The following NTRK2 variants were observed in gnomAD, a reference collection of about 807,000 sequenced individuals.
The protein encoded by NTRK2 is neurotrophic receptor tyrosine kinase 2, also known as BDNF/NT-3 growth factors receptor.
A neutral mutation model predicts 94.5 loss-of-function variants in NTRK2; 13 were observed. The ratio of observed to expected loss-of-function variants is 0.14; its 90% confidence interval spans 0.09 to 0.22. The LOEUF is 0.22. Among genes scored for constraint, NTRK2 ranks in the 10% least tolerant of loss-of-function variants. The probability of loss-of-function intolerance (pLI) is 1.00; values close to 1 mark genes in which losing one functional copy is unlikely to be tolerated. For synonymous variants in NTRK2, 372 were observed against 407.4 expected, an observed-to-expected ratio of 0.91 and a Z score of 1.05; for missense variants, 639 against 1,071.2, an observed-to-expected ratio of 0.60 and a Z score of 5.63.
chr9:84,808,156 C>G (rs1430806329), intron 12 of NTRK2, among the ~76,000 whole-genome samples: 1 of 152,138 alleles, frequency 6.6e-6, no homozygotes, highest in East Asian at 1.9e-4. Context: ...AGGGCCAGGG[C>G]AGTTGCATCC....
intron 14 of NTRK2, among the ~76,000 whole-genome samples, chr9:84,900,325 G>A (rs1339495248): frequency 3.3e-5 from 5 of 152,174 alleles, no homozygotes; most frequent in Non-Finnish European, 7.4e-5. Context: ...CAGACATCAA[G>A]CTACTTGTTT....
At chr9:84,867,455 T>C (rs775076105) in intron 14 of NTRK2, 24 bp downstream of exon 14, 2 of 1,586,256 alleles carry the variant, frequency 1.3e-6, no homozygotes, top group Non-Finnish European at 1.7e-6. Context: ...TTTGTACTTA[T>C]TGTCCCATTT....
At chr9:84,799,268 G>T (rs746641710) in intron 12 of NTRK2, among the ~76,000 whole-genome samples, 10 of 151,948 alleles carry the variant, frequency 6.6e-5, no homozygotes, top group Non-Finnish European at 1.0e-4. Flanking sequence ...ATGCTTCAAG[G>T]CTCCTTTTCT....
intron 9 of NTRK2, among the ~76,000 whole-genome samples, chr9:84,739,339 C>G (rs1236844669): frequency 1.3e-5 from 2 of 152,206 alleles, no homozygotes; most frequent in African/African-American, 2.4e-5. Flanking sequence ...GTGTGAGTCA[C>G]CACCCCCGGC....
intron 14 of NTRK2, among the ~76,000 whole-genome samples, chr9:84,899,697 T>C (rs2076869434): frequency 6.6e-6 from 1 of 152,158 alleles, no homozygotes; most frequent in Non-Finnish European, 1.5e-5. Flanking sequence ...GTTGTTCATA[T>C]TGGGGTGATA....
At chr9:84,975,164 T>C (rs894912656) in intron 17 of NTRK2, among the ~76,000 whole-genome samples, 28 of 151,838 alleles carry the variant, frequency 1.8e-4, no homozygotes, top group African/African-American at 5.8e-4. Context: ...CTTTGAGGAG[T>C]GGACAGCAAG....
chr9:84,873,095 A>G (rs917845243), intron 14 of NTRK2: 2 of 1,064,216 alleles, frequency 1.9e-6, no homozygotes, highest in East Asian at 1.0e-4. Context: ...ACCAGAGATT[A>G]TCTGCAGACT....
intron 2 of NTRK2, among the ~76,000 whole-genome samples, chr9:84,678,629 G>A (rs1413313122): frequency 6.6e-6 from 1 of 152,150 alleles, no homozygotes; most frequent in Non-Finnish European, 1.5e-5. Context: ...ATGTGTAGGG[G>A]TGGAGGGTGC....
intron 13 of NTRK2, 138 bp downstream of exon 13, chr9:84,861,225 G>C: frequency 1.4e-6 from 1 of 709,376 alleles, no homozygotes; most frequent in Non-Finnish European, 2.4e-6. Flanking sequence ...TGTTGAAGAA[G>C]TAGGTCTAGA....
rs113068989 is a variant in NTRK2 at position 84,823,410 on chromosome 9, G to A, written c.1397-37630G>A. Among the ~76,000 whole-genome samples, 247 of 152,334 alleles carry A rather than the reference G, an allele frequency of 1.6e-3. 2 individuals are homozygous for A. Among genetic ancestry groups the A allele is most frequent in the African/African-American group, 5.7e-3 (237 of 41,574 alleles). On this transcript the variant is annotated intron_variant, in intron 12 of 18. Coordinates refer to ENST00000277120, the MANE Select transcript of NTRK2 (RefSeq NM_006180.6). ...GGACCAAGTCGGAGTGGTACAGAGC[G>A]ATGCATCCTCTTACACAATTACTCA...
rs1564010651 is a variant in NTRK2 at position 84,669,978 on chromosome 9, G to A, written c.-373+90G>A. On this transcript the variant is annotated intron_variant, in intron 1 of 18. Coordinates refer to ENST00000277120, the MANE Select transcript of NTRK2 (RefSeq NM_006180.6). This position sits in a 1 kb window ranked among gnomAD's most constrained non-coding sequence, Gnocchi z 4.1. ...GGCTACTCCCCAGGTGGGACGTGCC[G>A]CGCCACCTGCCCGCGCCACCGGCAC... 6.5e-6 allele frequency: 1 copy of A among 153,670 alleles called. No homozygotes were observed. Among genetic ancestry groups the A allele is most frequent in the African/African-American group, 2.4e-5 (1 of 41,492 alleles). The allele number at this position is 153,670 out of a possible 1,614,324, so 9.5% of individuals were successfully genotyped here.
chr9:84,913,571 G>GT (rs1476508770), intron 14 of NTRK2, among the ~76,000 whole-genome samples: 15 of 152,044 alleles, frequency 9.9e-5, no homozygotes, highest in Non-Finnish European at 1.6e-4. Flanking sequence ...GGACTAATTA[G>GT]TTTTTTTATT....
At chr9:84,993,619 A>C (rs569189586) in intron 17 of NTRK2, among the ~76,000 whole-genome samples, 1 of 152,300 alleles carries the variant, frequency 6.6e-6, no homozygotes, top group East Asian at 1.9e-4. Context: ...TTCTCAGCAT[A>C]AAATCTTCTA....
intron 2 of NTRK2, among the ~76,000 whole-genome samples, chr9:84,687,023 A>C (rs1218305046): frequency 1.3e-5 from 2 of 152,238 alleles, no homozygotes; most frequent in South Asian, 2.1e-4. Flanking sequence ...TTTAGACTCC[A>C]TGTGTATTTG....
chr9:84,788,256 A>G (rs1564276907), intron 12 of NTRK2, among the ~76,000 whole-genome samples: 2 of 152,246 alleles, frequency 1.3e-5, no homozygotes, highest in African/African-American at 4.8e-5. Flanking sequence ...TGAAATTTTA[A>G]AAATTGGGAA....
At chr9:84,973,887 A>T (rs1055743826) in intron 17 of NTRK2, among the ~76,000 whole-genome samples, 1 of 151,978 alleles carries the variant, frequency 6.6e-6, no homozygotes, top group East Asian at 1.9e-4. Context: ...GAAAAAATTT[A>T]AAAAAAACAA....
chr9:84,919,995 T>C (rs2077512624), intron 14 of NTRK2, among the ~76,000 whole-genome samples: 1 of 152,170 alleles, frequency 6.6e-6, no homozygotes, highest in Admixed American at 6.5e-5. Flanking sequence ...CCATTCTGCC[T>C]CTTATTCCTT....
chr9:84,722,923 C>G (rs1009809749), intron 6 of NTRK2, among the ~76,000 whole-genome samples: 13 of 152,248 alleles, frequency 8.5e-5, no homozygotes, highest in African/African-American at 3.1e-4. Context: ...ATATTCCAAA[C>G]AAGATAGCAA....
At chr9:85,013,273 G>C (rs1264869162) in intron 17 of NTRK2, among the ~76,000 whole-genome samples, 1 of 152,184 alleles carries the variant, frequency 6.6e-6, no homozygotes. Flanking sequence ...ATGGCTCCAG[G>C]TTCTTCTCCA....
Sources: allele counts gnomAD v4.1 joint callset (sites outside exome capture counted in the v4.1 genomes callset), GRCh38; gene constraint gnomAD v4.1.1; non-coding constraint Gnocchi (gnomAD v3.1); transcripts MANE v1.5; gene names NCBI Gene and HGNC (gene_info 2026-07-23, HGNC 2026-07-21).